MUC4: variants seen among roughly 807,000 people sequenced by gnomAD.
MUC4 encodes mucin-4.
A neutral mutation model predicts 257.9 loss-of-function variants in MUC4; 202 were observed. The ratio of observed to expected loss-of-function variants is 0.78; its 90% CI spans 0.70 to 0.88. The LOEUF is 0.88. MUC4 is among the 40% of genes least tolerant of loss of function. The pLI is 0.00. For missense variants in MUC4, 5,976 were observed against 6,513.7 expected (o/e 0.92, Z 2.84); for synonymous variants, 2,351 against 2,757.1 (o/e 0.85, Z 4.62).
At chr3:195,762,400 G>A (rs1002295860) in intron 13 of MUC4, 146 bp from the exon 14 acceptor site, 44 of 911,850 alleles carry the variant, frequency 4.8e-5, no homozygotes, top group Non-Finnish European at 6.0e-5. Context: ...AGAAGAGGCC[G>A]GCGAGCTGCA....
chr3:195,774,768 C>T lies in MUC4; in HGVS notation c.12944-463G>A, dbSNP rs982287337. Among the ~76,000 whole-genome samples, 14 of 151,864 alleles carry T rather than the reference C, an allele frequency of 9.2e-5. No individual in the cohort carries two copies. The South Asian group carries it at 1.7e-3, about 18-fold the overall frequency. On this transcript the variant is annotated intron_variant, in intron 3 of 24. Transcript: ENST00000463781. Reference sequence around the variant, plus strand: ...TACAAAAATTAGCCGGGTGTGGTGGCGCATGCCTGTAATCCCAGCCACTCG... The same window carrying T: ...TACAAAAATTAGCCGGGTGTGGTGGTGCATGCCTGTAATCCCAGCCACTCG...
Position 195,761,566 on chromosome 3 carries a change from T to G in MUC4, c.14532A>C (p.Pro4844=). The change falls in exon 15 of 25, where the codon CCA becomes CCC. Residue 4844 remains proline, a synonymous_variant. Transcript: ENST00000463781. Reference sequence around the variant, plus strand: ...CATTGGGCATCCTGAAGTCGTCCTCTGGATTGTTATTCCAGACCCCTGAGG... The same window carrying G: ...CATTGGGCATCCTGAAGTCGTCCTCGGGATTGTTATTCCAGACCCCTGAGG... ...EGLLGVWNNN[P]EDDFRMPNGS... is the part of the protein sequence containing the mutation. 1 of 1,614,094 alleles carries G rather than the reference T, an allele frequency of 6.2e-7. No individual in the cohort carries two copies. The highest frequency in any genetic ancestry group is 8.5e-7 in the Non-Finnish European group (1 of 1,179,940).
Position 195,754,205 on chromosome 3 carries a change from C to T in MUC4, c.15328+8G>A, listed in dbSNP as rs959568675. On this transcript the variant is annotated splice_region_variant and intron_variant, in intron 19 of 24. Transcript: ENST00000463781. ...AAGCGCCTGCTCCAGGCCCTGTTCCCGGCTCACCCGCACAGTGCCGCCCAT... is the reference window on the plus strand; with the variant it reads ...AAGCGCCTGCTCCAGGCCCTGTTCCTGGCTCACCCGCACAGTGCCGCCCAT... 10 of 1,607,310 alleles carry T rather than the reference C, an allele frequency of 6.2e-6. No homozygotes were observed. The highest frequency in any genetic ancestry group is 1.7e-5 in the Admixed American group (1 of 59,300).
At position 195,778,443 on chromosome 3, in the gene MUC4, G is replaced by A. The variant is rs142178516; in HGVS notation, c.12803C>T (p.Pro4268Leu). ...LKMETPGMTT[P>L]SLKTDGGRRT... ...TCTCCCACCGTCTGTCTTCAGTGAC[G>A]GTGTTGTCATTCCTGGACACGTGAA... is the stretch of plus-strand genomic sequence containing the variant. Residue 4268 changes from proline (P) to leucine (L), a missense_variant, in exon 3 of 25, where the codon CCG becomes CTG. Coordinates refer to ENST00000463781, the MANE Select transcript of MUC4 (RefSeq NM_018406.7). 21 of 1,612,612 alleles carry A rather than the reference G, an allele frequency of 1.3e-5. No homozygotes were observed. Among genetic ancestry groups the A allele is most frequent in the African/African-American group, 5.3e-5 (4 of 74,858 alleles).
chr3:195,754,917 C>A lies in MUC4; in HGVS notation c.15169-545G>T, dbSNP rs390713. On this transcript the variant is annotated intron_variant, in intron 18 of 24. Coordinates refer to ENST00000463781, the MANE Select transcript of MUC4 (RefSeq NM_018406.7). ...TCCATGTATGTATGTGTGTGTCATG[C>A]ATGTATGCATGTATCCATGTATGTA... Among the ~76,000 whole-genome samples the A allele has an allele frequency of 6.6e-3, 884 of 133,572 alleles. 11 individuals are homozygous for A. Among genetic ancestry groups the A allele is most frequent in the African/African-American group, 0.023 (802 of 35,348 alleles). 87.6% of individuals were successfully genotyped at this position (133,572 alleles called of 152,430 possible). A position where few individuals can be genotyped will look rare whatever the true frequency, so the allele number is the denominator to read the frequency against.
rs757129745 is a variant in MUC4, at chr3:195,761,563, C to T, written c.14535G>A (p.Glu4845=). Residue 4845 remains glutamate, a synonymous_variant, in exon 15 of 25, where the codon GAG becomes GAA. Coordinates refer to ENST00000463781, the MANE Select transcript of MUC4 (RefSeq NM_018406.7). The part of the protein sequence containing the change: ...GLLGVWNNNP[E]DDFRMPNGST... Reference sequence around the variant, plus strand: ...AGCCATTGGGCATCCTGAAGTCGTCCTCTGGATTGTTATTCCAGACCCCTG... The same window carrying T: ...AGCCATTGGGCATCCTGAAGTCGTCTTCTGGATTGTTATTCCAGACCCCTG... The T allele has an allele frequency of 1.9e-6, 3 of 1,614,126 alleles. No homozygotes were observed. Among genetic ancestry groups the T allele is most frequent in the Non-Finnish European group, 2.5e-6 (3 of 1,179,954 alleles).
rs200289412 is a variant in MUC4 at position 195,782,209 on chromosome 3, G to A, written c.9371C>T (p.Thr3124Ile). 5.7e-6 allele frequency: 8 copies of A among 1,397,946 alleles called. 1 individual carries two copies. The highest frequency in any genetic ancestry group is 2.2e-5 in the Admixed American group (1 of 45,006). 86.6% of individuals were successfully genotyped at this position (1,397,946 alleles called of 1,614,324 possible). Residue 3124 changes from threonine (T) to isoleucine (I), a missense_variant, in exon 2 of 25, where the codon ACC becomes ATC. This residue lies in a region of MUC4 where 128 missense variants were observed against 104.8 expected (regional missense o/e 1.22). Transcript: ENST00000463781. Reference sequence around the variant, plus strand: ...ACCTGTGGATGCTGAGGAAGTGTCGGTGACAGGAAGAGGGGTGGTGTGACC... The same window carrying A: ...ACCTGTGGATGCTGAGGAAGTGTCGATGACAGGAAGAGGGGTGGTGTGACC... ...STGHTTPLPV[T>I]DTSSASTGQA...
chr3:195,782,545 G>T lies in MUC4; in HGVS notation c.9035C>A (p.Thr3012Asn). Residue 3012 changes from threonine to asparagine, a missense_variant, in exon 2 of 25, where the codon ACC becomes AAC. Transcript: ENST00000463781. ...SIGHATSLPV[T>N]DTSSISTGHA... ...ACCTGTGGATATTGAGGAAGTGTCG[G>T]TGACAGGAAGAGAGGTGGCGTGACC... 2 of 1,474,172 alleles carry T rather than the reference G, an allele frequency of 1.4e-6. No individual in the cohort carries two copies. Among genetic ancestry groups the T allele is most frequent in the South Asian group, 2.5e-5 (2 of 81,152 alleles). 91.3% of individuals were successfully genotyped at this position (1,474,172 alleles called of 1,614,324 possible).
chr3:195,757,150 C>A lies in MUC4; in HGVS notation c.15165G>T (p.Leu5055=). The A allele has an allele frequency of 6.3e-7, 1 of 1,593,416 alleles. No individual in the cohort carries two copies. Among genetic ancestry groups the A allele is most frequent in the Non-Finnish European group, 8.6e-7 (1 of 1,163,634 alleles). Residue 5055 remains leucine, a synonymous_variant, in exon 18 of 25, where the codon CTG becomes CTT. Coordinates refer to ENST00000463781, the MANE Select transcript of MUC4 (RefSeq NM_018406.7). This position sits in a 1 kb window ranked among gnomAD's most constrained non-coding sequence, Gnocchi z 4.8. The part of the protein sequence containing the change: ...NQTSRVGNSS[L]EVAGCKCDGG... ...TCCCCCACCTCCCAACACTCACCTC[C>A]AGGGAGGAGTTGCCCACCCTGCTGG...
In MUC4 at chr3:195,777,044, C is replaced by T. The variant is rs1264217178; in HGVS notation, c.12943+1259G>A. 4.2e-3 allele frequency among the ~76,000 whole-genome samples: 48 copies of T among 11,538 alleles called. 1 individual carries two copies. The highest frequency in any genetic ancestry group is 0.029 in the African/African-American group (29 of 1,002). The allele number at this position is 11,538 out of a possible 152,430, so 7.6% of individuals were successfully genotyped here. A position where few individuals can be genotyped will look rare whatever the true frequency, so the allele number is the denominator to read the frequency against. On this transcript the variant is annotated intron_variant, in intron 3 of 24. Transcript: ENST00000463781. ...ACCTTCCACACCCATACCTTCCACA[C>T]CCATACCTTCCACACCCATACCTTC...
intron 4 of MUC4, among the ~76,000 whole-genome samples, chr3:195,772,597 T>C (rs1278069501): frequency 7.1e-6 from 1 of 141,374 alleles, no homozygotes; most frequent in Admixed American, 6.9e-5. Flanking sequence ...TCTCCATCGC[T>C]CAGGGGTGCA....
At chr3:195,763,999 T>TC in intron 11 of MUC4, 46 bp downstream of exon 11, 3 of 1,576,622 alleles carry the variant, frequency 1.9e-6, no homozygotes, top group Admixed American at 3.6e-5. Flanking sequence ...GCCCAGAAGC[T>TC]CCCCCTCCCC....
In MUC4 at chr3:195,760,971, A is replaced by G. The variant is rs781208724; in HGVS notation, c.14761T>C (p.Tyr4921His). The change falls in exon 16 of 25, where the codon TAT becomes CAT. Residue 4921 changes from tyrosine to histidine, a missense_variant. Physicochemically the swap from Tyr to His is moderately conservative, Grantham distance 83 (BLOSUM62 2). This residue lies in a region of MUC4 where 996 missense variants were observed against 1,137.3 expected (regional missense o/e 0.88). Coordinates refer to ENST00000463781, the MANE Select transcript of MUC4 (RefSeq NM_018406.7). ...SNCDGDSSCI[Y>H]DTLALRNASI... is the part of the protein sequence containing the mutation. Reference sequence around the variant, plus strand: ...GCGTTGCGCAGGGCCAGGGTGTCATAGATGCATGAGCTATCTCCGTCACAG... The same window carrying G: ...GCGTTGCGCAGGGCCAGGGTGTCATGGATGCATGAGCTATCTCCGTCACAG... 4.3e-6 allele frequency: 7 copies of G among 1,614,078 alleles called. No individual in the cohort carries two copies. The African/African-American group carries it at 5.3e-5, about 12-fold the overall frequency.
intron 13 of MUC4, among the ~76,000 whole-genome samples, 183 bp from the exon 14 acceptor site, chr3:195,762,437 C>T (rs542009595): frequency 6.6e-6 from 1 of 152,188 alleles, no homozygotes; most frequent in Admixed American, 6.5e-5. Flanking sequence ...AGAGGCTGCG[C>T]TCTCTTGGCC....
At position 195,789,516 on chromosome 3, in the gene MUC4, G is replaced by A. The variant is rs776383331; in HGVS notation, c.2064C>T (p.Thr688=). ...GGGCAAAGGTTGTTGCTGCACTTAT[G>A]GTGGGTGCGTCCTGAGGAACAATTT... ...PSEIVPQDAP[T]ISAATTFAPA... is the part of the protein sequence containing the mutation. Residue 688 remains threonine (T), a synonymous_variant, in exon 2 of 25, where the codon ACC becomes ACT. Coordinates refer to ENST00000463781, the MANE Select transcript of MUC4 (RefSeq NM_018406.7). 1 of 1,613,940 alleles carries A rather than the reference G, an allele frequency of 6.2e-7. No homozygotes were observed. Among genetic ancestry groups the A allele is most frequent in the Non-Finnish European group, 8.5e-7 (1 of 1,179,858 alleles).
intron 1 of MUC4, among the ~76,000 whole-genome samples, chr3:195,793,993 A>G (rs956108647): frequency 4.6e-5 from 7 of 151,946 alleles, no homozygotes; most frequent in African/African-American, 1.7e-4. Context: ...CTGTAATCCC[A>G]GCATTTTGGG....
chr3:195,762,784 C>G, intron 13 of MUC4, 71 bp downstream of exon 13: 1 of 1,404,170 alleles, frequency 7.1e-7, no homozygotes, highest in Non-Finnish European at 9.7e-7. Context: ...GGCCCTGCAC[C>G]GCAACGCGGC....
chr3:195,761,956 G>T, intron 14 of MUC4, 131 bp downstream of exon 14: 1 of 1,140,784 alleles, frequency 8.8e-7, no homozygotes, highest in African/African-American at 1.6e-5. Flanking sequence ...GGCCCGCTCT[G>T]TGCCCCAAGG....
chr3:195,806,115 C>T (rs1735957311), intron 1 of MUC4, among the ~76,000 whole-genome samples: 1 of 152,104 alleles, frequency 6.6e-6, no homozygotes, highest in African/African-American at 2.4e-5. Flanking sequence ...GACTCTGTCT[C>T]AAAAATATAA....
Sources: allele counts gnomAD v4.1 joint callset (sites outside exome capture counted in the v4.1 genomes callset), GRCh38; gene constraint gnomAD v4.1.1; regional missense constraint gnomAD v4.1.1; non-coding constraint Gnocchi (gnomAD v3.1); transcripts MANE v1.5; gene names NCBI Gene and HGNC (gene_info 2026-07-23, HGNC 2026-07-21).